Variants in RGS6 observed in about 807,000 individuals in gnomAD.
The protein encoded by RGS6 is regulator of G-protein signaling 6.
In RGS6, 30 loss-of-function variants were observed where a neutral mutation model predicts 78.5. The observed-to-expected ratio is 0.38, with a 90% confidence interval of 0.29 to 0.52. The LOEUF (loss-of-function observed/expected upper bound fraction) is 0.52. Among genes scored for constraint, RGS6 ranks in the 20% least tolerant of loss-of-function variants. The probability of loss-of-function intolerance (pLI) is 0.85; values close to 1 mark genes in which losing one functional copy is unlikely to be tolerated. For missense variants in RGS6, 495 were observed against 609.7 expected (o/e 0.81, Z 1.98); for synonymous variants, 206 against 206.0 (o/e 1.00, Z 0.00).
chr14:72,301,543 C>G (rs1459151275), intron 2 of RGS6, among the ~76,000 whole-genome samples: 1 of 152,058 alleles, frequency 6.6e-6, no homozygotes. Flanking sequence ...CAGAAGCTAC[C>G]CCTTGGTTGT....
At chr14:71,953,972 T>TTTTTG (rs2092578266) in intron 1 of RGS6, among the ~76,000 whole-genome samples, 1 of 145,290 alleles carries the variant, frequency 6.9e-6, no homozygotes, top group Non-Finnish European at 1.5e-5. Flanking sequence ...AGTGGGCGTT[T>TTTTTG]TTTTTTTTTT....
intron 2 of RGS6, among the ~76,000 whole-genome samples, chr14:72,318,209 G>T (rs1458918820): frequency 6.6e-6 from 1 of 152,152 alleles, no homozygotes; most frequent in Non-Finnish European, 1.5e-5. Flanking sequence ...GAAGAACTTG[G>T]AATCTGATAT....
At chr14:72,029,620 T>C (rs1043832517) in intron 2 of RGS6, among the ~76,000 whole-genome samples, 3 of 152,202 alleles carry the variant, frequency 2.0e-5, no homozygotes, top group African/African-American at 4.8e-5. Context: ...GGAATGTGTG[T>C]TCTGATTCCT....
intron 2 of RGS6, among the ~76,000 whole-genome samples, chr14:72,122,938 C>A (rs1019653673): frequency 6.6e-6 from 1 of 152,086 alleles, no homozygotes; most frequent in Non-Finnish European, 1.5e-5. Context: ...CCTTCTAGAT[C>A]TTAACATTTA....
intron 3 of RGS6, among the ~76,000 whole-genome samples, chr14:72,413,836 T>A (rs2093609764): frequency 6.6e-6 from 1 of 152,216 alleles, no homozygotes; most frequent in Non-Finnish European, 1.5e-5. Flanking sequence ...GAAGCTTAGT[T>A]TGGCTGGATA....
At chr14:72,381,299 G>C (rs2152888424) in intron 3 of RGS6, among the ~76,000 whole-genome samples, 1 of 152,056 alleles carries the variant, frequency 6.6e-6, no homozygotes, top group Non-Finnish European at 1.5e-5. Flanking sequence ...GGAGAATATT[G>C]AATGTTTTCA....
intron 13 of RGS6, 42 bp downstream of exon 13, chr14:72,495,304 C>A (rs1292815436): frequency 2.4e-6 from 3 of 1,225,376 alleles, no homozygotes; most frequent in African/African-American, 3.0e-5. Context: ...TGAATGTAGA[C>A]AAAAATCCAT....
At chr14:72,508,562 C>CCTTTTTTT (rs2096838901) in intron 13 of RGS6, among the ~76,000 whole-genome samples, 2 of 56,460 alleles carry the variant, frequency 3.5e-5, no homozygotes, top group Non-Finnish European at 5.8e-5. Flanking sequence ...ACACAAGCTC[C>CCTTTTTTT]TTTTTTTTTT....
At chr14:72,104,635 T>C (rs956346010) in intron 2 of RGS6, among the ~76,000 whole-genome samples, 1 of 152,178 alleles carries the variant, frequency 6.6e-6, no homozygotes, top group African/African-American at 2.4e-5. Flanking sequence ...CCTTCTCTGT[T>C]TGGACTCCTG....
At chr14:71,909,193 G>C in the RGS6 span, among the ~76,000 whole-genome samples, 1 of 152,248 alleles carries the variant, frequency 6.6e-6, no homozygotes, top group African/African-American at 2.4e-5. Context: ...AAAGGATGGC[G>C]TGTTCCTCCT....
At chr14:72,555,491 C>G (rs993046886) in intron 17 of RGS6, among the ~76,000 whole-genome samples, 1 of 152,200 alleles carries the variant, frequency 6.6e-6, no homozygotes, top group East Asian at 1.9e-4. Context: ...AACTTAAGTT[C>G]TTTTCTCAGG....
At chr14:71,896,284 C>T in the RGS6 span, among the ~76,000 whole-genome samples, 1 of 152,180 alleles carries the variant, frequency 6.6e-6, no homozygotes, top group Non-Finnish European at 1.5e-5. Context: ...CCGAGGGCTG[C>T]TGGTTGCCCA....
chr14:72,317,115 C>T (rs1399630822), intron 2 of RGS6, among the ~76,000 whole-genome samples: 1 of 151,998 alleles, frequency 6.6e-6, no homozygotes, highest in Non-Finnish European at 1.5e-5. Flanking sequence ...ACCTTGAGCT[C>T]ATTAGTTAGC....
rs1033768870 is a variant in RGS6, at chr14:72,394,619, C to A, written c.184+42425C>A. On this transcript the variant is annotated intron_variant, in intron 3 of 17. Transcript: ENST00000553525. ...AAAGATGGCTCTGTTCCGCCTGGCTCTCAGGCTACCAGACCTAATGGTTAT... is the reference window on the plus strand; with the variant it reads ...AAAGATGGCTCTGTTCCGCCTGGCTATCAGGCTACCAGACCTAATGGTTAT... Among the ~76,000 whole-genome samples, 272 of 152,308 alleles carry A rather than the reference C, an allele frequency of 1.8e-3. 2 individuals carry two copies. The highest frequency in any genetic ancestry group is 6.4e-3 in the African/African-American group (266 of 41,562).
chr14:72,390,099 T>G (rs1351088187), intron 3 of RGS6, among the ~76,000 whole-genome samples: 2 of 149,404 alleles, frequency 1.3e-5, no homozygotes, highest in South Asian at 4.3e-4. Context: ...TCTTTTTTTT[T>G]TTTTTTTTTT....
At chr14:72,028,576 G>C (rs1029527275) in intron 2 of RGS6, among the ~76,000 whole-genome samples, 2 of 152,198 alleles carry the variant, frequency 1.3e-5, no homozygotes, top group African/African-American at 4.8e-5. Context: ...TCATGGTATG[G>C]TTTCAAAGGA....
chr14:72,403,790 G>C (rs1460134859), intron 3 of RGS6, among the ~76,000 whole-genome samples: 1 of 152,152 alleles, frequency 6.6e-6, no homozygotes, highest in Non-Finnish European at 1.5e-5. Flanking sequence ...ATCCCAAAGT[G>C]GTCAAAGCAA....
At chr14:72,615,789 C>T in the RGS6 span, among the ~76,000 whole-genome samples, 1 of 152,262 alleles carries the variant, frequency 6.6e-6, no homozygotes, top group East Asian at 1.9e-4. Flanking sequence ...TGTCAATCTC[C>T]TAGCAGGAGC....
chr14:72,147,402 C>A (rs1047475826), intron 2 of RGS6, among the ~76,000 whole-genome samples: 8 of 152,212 alleles, frequency 5.3e-5, no homozygotes, highest in Non-Finnish European at 1.2e-4. Flanking sequence ...CAAGAACCTT[C>A]TTGCTGCATG....
Sources: gnomAD v4.1 joint callset for allele counts (sites outside exome capture counted in the v4.1 genomes callset) on GRCh38, gnomAD v4.1.1 for gene constraint, MANE v1.5 for transcripts, NCBI Gene and HGNC (gene_info 2026-07-23, HGNC 2026-07-21) for gene names.